KIAA2012: variants seen among roughly 807,000 people sequenced by gnomAD.
The protein encoded by KIAA2012 is KIAA2012.
KIAA2012 carries 125 observed loss-of-function variants against 150.6 expected under a neutral mutation model. The observed-to-expected ratio is 0.83, with a 90% CI of 0.72 to 0.96. The LOEUF (loss-of-function observed/expected upper bound fraction) is 0.96. Ranked by LOEUF, KIAA2012 falls within the 40% of genes least tolerant of loss-of-function variation. The probability of loss-of-function intolerance (pLI) is 0.00; values close to 1 mark genes in which losing one functional copy is unlikely to be tolerated. For synonymous variants in KIAA2012, 462 were observed against 504.7 expected (o/e 0.92, Z 1.13); for missense variants, 1,219 against 1,354.9 (o/e 0.90, Z 1.57).
At chr2:202,168,876 A>C (rs140242348) in intron 15 of KIAA2012, among the ~76,000 whole-genome samples, 1 of 152,278 alleles carries the variant, frequency 6.6e-6, no homozygotes, top group East Asian at 1.9e-4. Flanking sequence ...AATTCTCAGA[A>C]ACAAATAAGC....
chr2:202,109,216 G>T (rs1195667195), intron 9 of KIAA2012, among the ~76,000 whole-genome samples: 1 of 152,146 alleles, frequency 6.6e-6, no homozygotes, highest in Non-Finnish European at 1.5e-5. Flanking sequence ...TAGGACTAGG[G>T]TTGGAAGGAG....
At chr2:202,133,128 A>ATTTT (rs1202818706) in intron 12 of KIAA2012, among the ~76,000 whole-genome samples, 13 of 76,690 alleles carry the variant, frequency 1.7e-4, no homozygotes, top group Non-Finnish European at 2.6e-4. Context: ...ATATATATAT[A>ATTTT]TATTTTTTTT....
chr2:202,126,522 AAG>A (rs1317783949), intron 12 of KIAA2012, among the ~76,000 whole-genome samples: 4 of 152,130 alleles, frequency 2.6e-5, no homozygotes, highest in African/African-American at 9.7e-5. Flanking sequence ...CGAAGGTAGA[AAG>A]AGTTTCCATG....
At chr2:202,074,827 G>A in intron 1 of KIAA2012, 64 bp from the exon 2 acceptor site, 3 of 1,449,968 alleles carry the variant, frequency 2.1e-6, no homozygotes, top group Non-Finnish European at 2.7e-6. Context: ...CTTTGCACAA[G>A]CAGTATTTGC....
At chr2:202,174,392 G>A (rs1691953137) in intron 15 of KIAA2012, among the ~76,000 whole-genome samples, 1 of 152,148 alleles carries the variant, frequency 6.6e-6, no homozygotes. Context: ...TGAAAGGATA[G>A]GAAGGAGGAA....
At chr2:202,180,533 A>C (rs1692097481) in intron 15 of KIAA2012, among the ~76,000 whole-genome samples, 1 of 152,190 alleles carries the variant, frequency 6.6e-6, no homozygotes, top group South Asian at 2.1e-4. Flanking sequence ...TTAATAATCA[A>C]AACATTCCTG....
chr2:202,074,580 C>A (rs938843534), intron 1 of KIAA2012, among the ~76,000 whole-genome samples: 3 of 152,160 alleles, frequency 2.0e-5, no homozygotes, highest in African/African-American at 7.2e-5. Context: ...ATAATTCTGA[C>A]CACTTACTTG....
intron 12 of KIAA2012, among the ~76,000 whole-genome samples, chr2:202,132,696 G>GTA (rs1392309752): frequency 2.1e-4 from 12 of 58,070 alleles, no homozygotes; most frequent in South Asian, 1.0e-3. Context: ...ATATATGTAT[G>GTA]TATATATATA....
At chr2:202,197,107 A>C in intron 22 of KIAA2012, 88 bp downstream of exon 22, 1 of 1,528,956 alleles carries the variant, frequency 6.5e-7, no homozygotes, top group Non-Finnish European at 8.8e-7. Flanking sequence ...CACTGCCTTT[A>C]GACAAGAAAA....
At chr2:202,193,711 ACT>A (rs1463266025) in intron 20 of KIAA2012, among the ~76,000 whole-genome samples, 2 of 152,094 alleles carry the variant, frequency 1.3e-5, no homozygotes, top group Admixed American at 6.6e-5. Context: ...GCATTGGTAC[ACT>A]CTGCTGAATG....
Position 202,100,424 on chromosome 2 carries a change from C to A in KIAA2012, c.1130C>A (p.Thr377Asn). ...TCTGCCACTGGCTCCAGAATAATCA[C>A]CCCTGGGGAAGTGAAGAAGAAAAAG... is the stretch of plus-strand genomic sequence containing the variant. Reference protein sequence around the residue: ...VASATGSRIITPGEVKKKKAP... With the variant: ...VASATGSRIINPGEVKKKKAP... Residue 377 changes from threonine to asparagine, a missense_variant, in exon 7 of 24, where the codon ACC becomes AAC. Transcript: ENST00000498697. 2 of 1,550,422 alleles carry A rather than the reference C, an allele frequency of 1.3e-6. No homozygotes were observed. Among genetic ancestry groups the A allele is most frequent in the Non-Finnish European group, 8.7e-7 (1 of 1,146,916 alleles).
At chr2:202,122,540 GC>G (rs913688240) in intron 11 of KIAA2012, among the ~76,000 whole-genome samples, 1 of 115,038 alleles carries the variant, frequency 8.7e-6, no homozygotes, top group Non-Finnish European at 1.8e-5. Flanking sequence ...CATTCTTGTT[GC>G]CCAGGCTGGA....
intron 14 of KIAA2012, among the ~76,000 whole-genome samples, chr2:202,155,363 C>T (rs1301482077): frequency 6.6e-6 from 1 of 152,060 alleles, no homozygotes; most frequent in Non-Finnish European, 1.5e-5. Flanking sequence ...TGCAATACTC[C>T]CTCCCACCCC....
chr2:202,093,366 A>G (rs549202632), intron 4 of KIAA2012, among the ~76,000 whole-genome samples, 181 bp downstream of exon 4: 2 of 152,354 alleles, frequency 1.3e-5, no homozygotes, highest in South Asian at 4.1e-4. Context: ...CAGTGATGGA[A>G]TGTCCCATAT....
At chr2:202,125,687 G>C (rs1405280621) in intron 12 of KIAA2012, 3 of 351,432 alleles carry the variant, frequency 8.5e-6, no homozygotes, top group Non-Finnish European at 1.6e-5. Context: ...ATCTGGGAAA[G>C]ACTCAGGCTT....
intron 10 of KIAA2012, among the ~76,000 whole-genome samples, chr2:202,112,868 TCA>T (rs1690408583): frequency 6.6e-6 from 1 of 152,222 alleles, no homozygotes; most frequent in African/African-American, 2.4e-5. Flanking sequence ...GCCCCTGGCA[TCA>T]CCAAGCCATC....
chr2:202,100,164 C>T (rs890796519), intron 6 of KIAA2012, 143 bp from the exon 7 acceptor site: 5 of 843,210 alleles, frequency 5.9e-6, no homozygotes, highest in South Asian at 1.9e-5. Context: ...GAACCTGCCT[C>T]CCCCAAAGCT....
chr2:202,086,167 C>CAA (rs56207993), intron 2 of KIAA2012, among the ~76,000 whole-genome samples: 32,829 of 89,906 alleles, frequency 0.37, 6,188 homozygotes, highest in Admixed American at 0.42. Flanking sequence ...AACTCTGTCT[C>CAA]AAAAAAAAAA....
intron 17 of KIAA2012, 37 bp from the exon 18 acceptor site, chr2:202,188,115 C>G: frequency 6.8e-7 from 1 of 1,480,050 alleles, no homozygotes; most frequent in Non-Finnish European, 9.2e-7. Flanking sequence ...ATTTCCTATA[C>G]ATATTATGGT....
Sources: gnomAD v4.1 joint callset for allele counts (sites outside exome capture counted in the v4.1 genomes callset) on GRCh38, gnomAD v4.1.1 for gene constraint, MANE v1.5 for transcripts, NCBI Gene and HGNC (gene_info 2026-07-23, HGNC 2026-07-21) for gene names.